C12orf75: variants seen among roughly 807,000 people sequenced by gnomAD.
C12orf75 encodes the protein chromosome 12 open reading frame 75.
A neutral mutation model predicts 11.4 loss-of-function variants in C12orf75; 4 were observed. The observed-to-expected ratio is 0.35, with a 90% CI of 0.17 to 0.80. The LOEUF (loss-of-function observed/expected upper bound fraction) is 0.80, where lower values mean the gene tolerates loss of function less well. Ranked by LOEUF, C12orf75 falls within the 30% of genes least tolerant of loss-of-function variation. The pLI, the probability that C12orf75 is intolerant of heterozygous loss-of-function variation, is 0.52. For missense variants in C12orf75, 89 were observed against 80.4 expected (o/e 1.11, Z -0.41); for synonymous variants, 30 against 30.0 (o/e 1.00, Z 0.00).
intron 2 of C12orf75, among the ~76,000 whole-genome samples, chr12:105,356,715 T>C (rs887712986): frequency 7.9e-5 from 12 of 152,200 alleles, no homozygotes; most frequent in Non-Finnish European, 1.6e-4. Context: ...ATTATTTCAC[T>C]GTTAAAATCT....
At chr12:105,335,684 TTC>T (rs768512970) in intron 1 of C12orf75, among the ~76,000 whole-genome samples, 19 of 151,966 alleles carry the variant, frequency 1.3e-4, no homozygotes, top group Non-Finnish European at 2.2e-4. Flanking sequence ...CACTCTTGTT[TTC>T]TCTCTGTGTG....
At chr12:105,348,558 A>G (rs533502783) in intron 1 of C12orf75, 44 bp from the exon 2 acceptor site, 2 of 1,401,400 alleles carry the variant, frequency 1.4e-6, no homozygotes, top group East Asian at 2.7e-5. Flanking sequence ...TTTTTGTAGC[A>G]ATACTATCAC....
At chr12:105,358,576 G>A (rs1336940306) in intron 2 of C12orf75, among the ~76,000 whole-genome samples, 1 of 152,132 alleles carries the variant, frequency 6.6e-6, no homozygotes, top group African/African-American at 2.4e-5. Context: ...TGATAAGATG[G>A]TATTTGAGGT....
At chr12:105,365,953 T>TA in intron 3 of C12orf75, 111 bp downstream of exon 3, 1 of 779,330 alleles carries the variant, frequency 1.3e-6, no homozygotes. Flanking sequence ...GGAAAACTGT[T>TA]GGCACAGAGA....
chr12:105,340,188 G>A (rs1429148111), intron 1 of C12orf75, among the ~76,000 whole-genome samples: 1 of 151,652 alleles, frequency 6.6e-6, no homozygotes, highest in African/African-American at 2.4e-5. Context: ...CACTTTGGGA[G>A]GCAGAGGCGG....
At chr12:105,367,050 G>A (rs951230647) in intron 4 of C12orf75, among the ~76,000 whole-genome samples, 9 of 152,160 alleles carry the variant, frequency 5.9e-5, no homozygotes, top group Admixed American at 4.6e-4. Flanking sequence ...TGACTGATAA[G>A]CAATCTGCTG....
chr12:105,363,369 G>T (rs1254729004), intron 2 of C12orf75, among the ~76,000 whole-genome samples: 4 of 152,186 alleles, frequency 2.6e-5, no homozygotes, highest in Non-Finnish European at 5.9e-5. Flanking sequence ...TGGATGAAGT[G>T]ACAGTCTTAT....
chr12:105,335,756 A>G (rs879267517), intron 1 of C12orf75, among the ~76,000 whole-genome samples: 1 of 139,502 alleles, frequency 7.2e-6, no homozygotes. Flanking sequence ...TTCCCCTCCC[A>G]CAAATGGAGG....
chr12:105,348,633 A>G lies in C12orf75; in HGVS notation c.71+7A>G. The G allele has an allele frequency of 2.6e-6, 4 of 1,529,192 alleles. No homozygotes were observed. The highest frequency in any genetic ancestry group is 1.4e-5 in the African/African-American group (1 of 72,354). 94.7% of individuals were successfully genotyped at this position (1,529,192 alleles called of 1,614,324 possible). On this transcript the variant is annotated splice_region_variant and intron_variant, in intron 2 of 5. Coordinates refer to ENST00000443585, the MANE Select transcript of C12orf75 (RefSeq NM_001145199.2). The stretch of plus-strand genomic sequence containing the variant: ...CAGGAGCAGCCAAAGATGTGTAAGT[A>G]TTGAATATTAATGATTTTATAAGCT...
chr12:105,343,100 C>T (rs892920327), intron 1 of C12orf75, among the ~76,000 whole-genome samples: 1 of 152,174 alleles, frequency 6.6e-6, no homozygotes, highest in African/African-American at 2.4e-5. Flanking sequence ...ACAAACCTTT[C>T]CCCTCTCCAT....
intron 1 of C12orf75, 21 bp from the exon 2 acceptor site, chr12:105,348,581 C>G (rs1286958342): frequency 4.0e-6 from 6 of 1,518,648 alleles, no homozygotes; most frequent in Non-Finnish European, 5.3e-6. Flanking sequence ...CAATACAAAC[C>G]TATCTTCTTT....
intron 5 of C12orf75, 126 bp from the exon 6 acceptor site, chr12:105,370,508 G>A: frequency 2.3e-6 from 1 of 437,070 alleles, no homozygotes; most frequent in South Asian, 1.6e-5. Context: ...TTAATATTGG[G>A]TGAATATTAA....
intron 1 of C12orf75, among the ~76,000 whole-genome samples, chr12:105,333,950 C>T (rs1236476363): frequency 6.6e-6 from 1 of 152,194 alleles, no homozygotes; most frequent in Non-Finnish European, 1.5e-5. Context: ...ATTGTTTCCC[C>T]TTTCCCTGAG....
chr12:105,358,975 T>G (rs1464399337), intron 2 of C12orf75, among the ~76,000 whole-genome samples: 1 of 152,184 alleles, frequency 6.6e-6, no homozygotes, highest in East Asian at 1.9e-4. Context: ...TGGGTCTTCC[T>G]TCCCCTTTCA....
intron 2 of C12orf75, among the ~76,000 whole-genome samples, chr12:105,354,902 G>A (rs545707834): frequency 4.6e-5 from 7 of 152,288 alleles, no homozygotes; most frequent in Non-Finnish European, 8.8e-5. Context: ...GGGAGGACGG[G>A]GAGGGATGGA....
intron 2 of C12orf75, among the ~76,000 whole-genome samples, chr12:105,349,523 C>G (rs1892684404): frequency 6.6e-6 from 1 of 152,174 alleles, no homozygotes; most frequent in African/African-American, 2.4e-5. Flanking sequence ...TTCTTATTGG[C>G]TTACACAGAT....
intron 2 of C12orf75, among the ~76,000 whole-genome samples, chr12:105,351,157 T>C (rs895124287): frequency 2.0e-5 from 3 of 152,210 alleles, no homozygotes; most frequent in Non-Finnish European, 2.9e-5. Flanking sequence ...ACTGTAATAT[T>C]AGGTGATGCC....
At chr12:105,337,092 G>C (rs1166829464) in intron 1 of C12orf75, among the ~76,000 whole-genome samples, 3 of 152,146 alleles carry the variant, frequency 2.0e-5, no homozygotes, top group African/African-American at 7.2e-5. Flanking sequence ...GGGAGGCTGA[G>C]GCAGGTGGAT....
intron 2 of C12orf75, among the ~76,000 whole-genome samples, chr12:105,352,894 T>C (rs1892730919): frequency 6.6e-6 from 1 of 152,220 alleles, no homozygotes; most frequent in East Asian, 1.9e-4. Context: ...AGCCTATTTT[T>C]CCCTCTCTTT....
Sources: allele counts gnomAD v4.1 joint callset (sites outside exome capture counted in the v4.1 genomes callset), GRCh38; gene constraint gnomAD v4.1.1; transcripts MANE v1.5; gene names NCBI Gene and HGNC (gene_info 2026-07-23, HGNC 2026-07-21).